APP: variants seen among roughly 807,000 people sequenced by gnomAD.
The protein encoded by APP is amyloid-beta precursor protein.
In APP, 31 loss-of-function variants were observed where a neutral mutation model predicts 101.4. That is an observed-to-expected ratio of 0.31 (90% confidence interval 0.23 to 0.41). The LOEUF is 0.41. Among genes scored for constraint, APP ranks in the 10% least tolerant of loss-of-function variants. The pLI is 1.00. For missense variants in APP, 839 were observed against 1,003.7 expected, an observed-to-expected ratio of 0.84 and a Z score of 2.22; for synonymous variants, 366 against 364.4, an observed-to-expected ratio of 1.00 and a Z score of -0.05.
At chr21:26,111,547 C>A (rs1006905713) in intron 2 of APP, among the ~76,000 whole-genome samples, 1 of 151,790 alleles carries the variant, frequency 6.6e-6, no homozygotes, top group African/African-American at 2.4e-5. Flanking sequence ...GACAGCCTGG[C>A]CAACACAAGG....
chr21:26,033,111 T>C (rs2044916712), intron 5 of APP, among the ~76,000 whole-genome samples: 1 of 152,192 alleles, frequency 6.6e-6, no homozygotes, highest in Non-Finnish European at 1.5e-5. Context: ...ATGGCACCCG[T>C]AGCAGATGAA....
At chr21:25,948,491 C>T (rs2040928907) in intron 13 of APP, among the ~76,000 whole-genome samples, 1 of 152,148 alleles carries the variant, frequency 6.6e-6, no homozygotes, top group Non-Finnish European at 1.5e-5. Flanking sequence ...CAATCCTGCC[C>T]CATTCACTAT....
intron 13 of APP, among the ~76,000 whole-genome samples, chr21:25,913,358 C>T (rs909169586): frequency 3.3e-5 from 5 of 152,150 alleles, no homozygotes; most frequent in African/African-American, 1.2e-4. Context: ...ACTGTGGCAC[C>T]GTTTCTAAAA....
chr21:26,098,390 C>G lies in APP; in HGVS notation c.226-8318G>C, dbSNP rs532068201. 7.9e-5 allele frequency among the ~76,000 whole-genome samples: 12 copies of G among 151,674 alleles called. No homozygotes were observed. In the East Asian group the frequency reaches 2.1e-3, roughly 27 times the overall value. ...AAGATGACATTTAAGTTGCTAAATA[C>G]GTAAAGCAAGAAAAGACATTGATGA... On this transcript the variant is annotated intron_variant, in intron 2 of 17. Coordinates refer to ENST00000346798, the MANE Select transcript of APP (RefSeq NM_000484.4).
At chr21:25,881,837 G>A (rs1328749840) in intron 17 of APP, 66 bp from the exon 18 acceptor site, 1 of 1,478,030 alleles carries the variant, frequency 6.8e-7, no homozygotes, top group East Asian at 2.3e-5. Flanking sequence ...ACATGGAGAA[G>A]CAGTAAAAAG....
At chr21:25,928,363 A>AAACAAACAAACG (rs1187223262) in intron 13 of APP, among the ~76,000 whole-genome samples, 10 of 151,764 alleles carry the variant, frequency 6.6e-5, no homozygotes, top group African/African-American at 1.9e-4. Context: ...ACAAACAAAC[A>AAACAAACAAACG]AACAAACAAA....
At chr21:26,131,391 G>A (rs2146274509) in intron 1 of APP, among the ~76,000 whole-genome samples, 1 of 152,232 alleles carries the variant, frequency 6.6e-6, no homozygotes, top group African/African-American at 2.4e-5. Context: ...TGTTCACAGT[G>A]ATTCTATAAA....
At position 26,001,182 on chromosome 21, in the gene APP, T is replaced by A. The variant is rs2043278592; in HGVS notation, c.866-1000A>T. 1.3e-5 allele frequency among the ~76,000 whole-genome samples: 2 copies of A among 152,174 alleles called. 1 individual carries two copies. The highest frequency in any genetic ancestry group is 4.1e-4 in the South Asian group (2 of 4,830). ...ACGCACTGTTATACATTAAAACACA[T>A]CTTACCTGTCAACATGTCTTGCCAC... On this transcript the variant is annotated intron_variant, in intron 6 of 17. Transcript: ENST00000346798.
chr21:26,130,836 A>T (rs2146272096), intron 1 of APP, among the ~76,000 whole-genome samples: 1 of 152,282 alleles, frequency 6.6e-6, no homozygotes, highest in Non-Finnish European at 1.5e-5. Context: ...CACAGAAAAG[A>T]ACAAAGAAAA....
At position 26,022,750 on chromosome 21, in the gene APP, G is replaced by A. The variant is rs141831287; in HGVS notation, c.663-708C>T. ...TTCTCATAGTGCACATACAAGAGCC[G>A]CAACGCATTGCACGGTAGCGGATAC... On this transcript the variant is annotated intron_variant, in intron 5 of 17. Transcript: ENST00000346798. 3.7e-4 allele frequency among the ~76,000 whole-genome samples: 56 copies of A among 152,332 alleles called. No individual in the cohort carries two copies. In the Middle Eastern group the frequency reaches 0.014, roughly 37 times the overall value.
rs139554459 is a variant in APP at position 26,014,253 on chromosome 21, G to A, written c.865+7587C>T. 6.6e-5 allele frequency among the ~76,000 whole-genome samples: 10 copies of A among 152,302 alleles called. No homozygotes were observed. In the East Asian group the frequency reaches 1.9e-3, roughly 29 times the overall value. ...CAGTTTACCCCAAGCTTTGTGGAGA[G>A]TTAAATATTAATCATAAGTAAAAAT... On this transcript the variant is annotated intron_variant, in intron 6 of 17. Coordinates refer to ENST00000346798, the MANE Select transcript of APP (RefSeq NM_000484.4).
intron 11 of APP, among the ~76,000 whole-genome samples, chr21:25,973,182 AAAG>A (rs2042099274): frequency 6.6e-6 from 1 of 152,164 alleles, no homozygotes; most frequent in Non-Finnish European, 1.5e-5. Context: ...AAAGAGGAAA[AAAG>A]AAGAACAAGG....
At chr21:26,168,450 AG>A (rs992627057) in intron 1 of APP, among the ~76,000 whole-genome samples, 1 of 152,232 alleles carries the variant, frequency 6.6e-6, no homozygotes, top group Non-Finnish European at 1.5e-5. Flanking sequence ...CACCCTTTAA[AG>A]GAGTTAACAA....
At chr21:25,965,057 T>A (rs918066769) in intron 11 of APP, among the ~76,000 whole-genome samples, 10 of 152,258 alleles carry the variant, frequency 6.6e-5, no homozygotes, top group African/African-American at 2.2e-4. Flanking sequence ...CCATGATTCA[T>A]GCTTTCAGAC....
chr21:26,136,163 A>AGAAGGAAAGGAAAGGAAAGGAAAG (rs1239513527), intron 1 of APP, among the ~76,000 whole-genome samples: 1 of 73,738 alleles, frequency 1.4e-5, no homozygotes, highest in African/African-American at 6.0e-5. Flanking sequence ...AGAAAAGAAA[A>AGAAGGAAAGGAAAGGAAAGGAAAG]GAAAGAAAAG....
intron 1 of APP, among the ~76,000 whole-genome samples, chr21:26,122,097 C>G (rs1185144487): frequency 1.3e-5 from 2 of 152,168 alleles, no homozygotes; most frequent in African/African-American, 4.8e-5. Flanking sequence ...AAGCATATTC[C>G]TCTATCCTTT....
Position 26,001,305 on chromosome 21 carries a change from ACT to A in APP, c.866-1125_866-1124del, listed in dbSNP as rs1446450265. On this transcript the variant is annotated intron_variant, in intron 6 of 17. Transcript: ENST00000346798. ...AAAGTCAATCCTGAGTAGAATTATA[ACT>A]CTACCTCCCATGTATATCCCATTTT... Among the ~76,000 whole-genome samples the A allele has an allele frequency of 7.9e-5, 12 of 152,246 alleles. No homozygotes were observed. In the East Asian group the frequency reaches 2.3e-3, roughly 29 times the overall value.
intron 11 of APP, among the ~76,000 whole-genome samples, chr21:25,964,606 CTTTTTTT>C (rs150904952): frequency 0.027 from 3,274 of 122,564 alleles, 113 homozygotes; most frequent in African/African-American, 0.09. Context: ...TTTTTCTTTT[CTTTTTTT>C]TTTTTTTTTT....
intron 13 of APP, among the ~76,000 whole-genome samples, chr21:25,940,307 C>T (rs776183849): frequency 1.2e-4 from 19 of 152,112 alleles, no homozygotes; most frequent in Non-Finnish European, 2.6e-4. Context: ...CCCCTCTCCA[C>T]AGATATGCCA....
Sources: allele counts gnomAD v4.1 joint callset (sites outside exome capture counted in the v4.1 genomes callset), GRCh38; gene constraint gnomAD v4.1.1; transcripts MANE v1.5; gene names NCBI Gene and HGNC (gene_info 2026-07-23, HGNC 2026-07-21).